SBF2: variants seen among roughly 807,000 people sequenced by gnomAD.
SBF2 encodes the protein SET binding factor 2.
Under a neutral mutation model 225.2 loss-of-function variants are expected in SBF2, and 112 were observed. The ratio of observed to expected loss-of-function variants is 0.50; its 90% confidence interval spans 0.43 to 0.58. The LOEUF (loss-of-function observed/expected upper bound fraction) is 0.58. SBF2 is among the 20% of genes least tolerant of loss of function. The pLI, the probability that SBF2 is intolerant of heterozygous loss-of-function variation, is 0.00. For missense variants in SBF2, 1,996 were observed against 2,206.2 expected, an observed-to-expected ratio of 0.90 and a Z score of 1.91; for synonymous variants, 763 against 773.3, an observed-to-expected ratio of 0.99 and a Z score of 0.22.
chr11:9,889,235 T>C (rs763794465), intron 17 of SBF2, among the ~76,000 whole-genome samples: 25 of 152,208 alleles, frequency 1.6e-4, no homozygotes, highest in Non-Finnish European at 3.5e-4. Flanking sequence ...ATGACACAAG[T>C]GACTTTTCTA....
intron 1 of SBF2, among the ~76,000 whole-genome samples, chr11:10,240,046 T>C (rs1262137461): frequency 2.0e-5 from 3 of 152,122 alleles, no homozygotes; most frequent in African/African-American, 7.2e-5. Flanking sequence ...CACAGCTGAT[T>C]AGTATTGGTA....
intron 17 of SBF2, among the ~76,000 whole-genome samples, chr11:9,893,357 T>C (rs12360818): frequency 0.27 from 40,627 of 152,170 alleles, 6,208 homozygotes; most frequent in African/African-American, 0.42. Context: ...GCAGTACTTC[T>C]TTCTTCCAAA....
In SBF2 at chr11:9,806,308, G is replaced by A. The variant is rs75320405; in HGVS notation, c.4443+1692C>T. ...AGTGCCTGGCACATAGTAAGCAGTC[G>A]ACACAAATTAGTAATTATTGTTAGT... is the stretch of plus-strand genomic sequence containing the variant. On this transcript the variant is annotated intron_variant, in intron 32 of 39. Coordinates refer to ENST00000256190, the MANE Select transcript of SBF2 (RefSeq NM_030962.4). Among the ~76,000 whole-genome samples the A allele has an allele frequency of 7.6e-3, 1,159 of 152,278 alleles. 53 individuals are homozygous for A. Among genetic ancestry groups the A allele is most frequent in the Admixed American group, 0.047 (719 of 15,298 alleles).
At chr11:10,016,205 G>C (rs541698925) in intron 6 of SBF2, among the ~76,000 whole-genome samples, 6 of 152,228 alleles carry the variant, frequency 3.9e-5, no homozygotes, top group African/African-American at 1.4e-4. Flanking sequence ...GTGAAGAAGG[G>C]AGGCCTGCAG....
At chr11:10,122,449 G>T (rs1444067683) in intron 2 of SBF2, among the ~76,000 whole-genome samples, 1 of 152,158 alleles carries the variant, frequency 6.6e-6, no homozygotes, top group Admixed American at 6.5e-5. Context: ...CTAGAACTCA[G>T]AACAGGCCCT....
chr11:10,297,330 G>T (rs1964557855), upstream of SBF2, among the ~76,000 whole-genome samples: 1 of 152,058 alleles, frequency 6.6e-6, no homozygotes, highest in Non-Finnish European at 1.5e-5. Context: ...AAGGTACTAG[G>T]ATTAGAGGCA....
chr11:10,094,318 C>T (rs942815899), intron 2 of SBF2, among the ~76,000 whole-genome samples: 1 of 151,896 alleles, frequency 6.6e-6, no homozygotes, highest in Admixed American at 6.6e-5. Context: ...AACGAAACTC[C>T]ATCTCAAAAA....
chr11:9,863,063 G>C (rs1857896287), intron 17 of SBF2, among the ~76,000 whole-genome samples: 1 of 150,192 alleles, frequency 6.7e-6, no homozygotes, highest in East Asian at 1.9e-4. Context: ...AGATGTTTAA[G>C]AATGTGTTGA....
At chr11:10,277,403 C>A (rs1452690024) in intron 1 of SBF2, among the ~76,000 whole-genome samples, 1 of 152,140 alleles carries the variant, frequency 6.6e-6, no homozygotes, top group Non-Finnish European at 1.5e-5. Context: ...ATATGTTTGG[C>A]TTTTTGAATA....
intron 1 of SBF2, among the ~76,000 whole-genome samples, chr11:10,222,578 A>C (rs1202507056): frequency 6.6e-6 from 1 of 152,224 alleles, no homozygotes; most frequent in East Asian, 1.9e-4. Flanking sequence ...CCGAATTTGA[A>C]GAACTGAGAA....
chr11:10,227,288 G>C (rs1164064146), intron 1 of SBF2, among the ~76,000 whole-genome samples: 1 of 152,104 alleles, frequency 6.6e-6, no homozygotes, highest in Non-Finnish European at 1.5e-5. Context: ...TCACTCTGAT[G>C]GTAGTTTCTT....
chr11:9,839,197 ATCCTGTTCT>A (rs1855933274), intron 26 of SBF2: 1 of 392,918 alleles, frequency 2.5e-6, no homozygotes, highest in Non-Finnish European at 4.8e-6. Flanking sequence ...GGCTGGGAAA[ATCCTGTTCT>A]TCAAGTTATC....
intron 29 of SBF2, 117 bp downstream of exon 29, chr11:9,816,723 T>A: frequency 2.3e-6 from 2 of 865,956 alleles, no homozygotes; most frequent in South Asian, 4.2e-5. Context: ...GATTATTAAC[T>A]CCAGGTTAAG....
At chr11:10,167,832 A>G (rs1956033959) in intron 2 of SBF2, among the ~76,000 whole-genome samples, 1 of 152,118 alleles carries the variant, frequency 6.6e-6, no homozygotes, top group Admixed American at 6.5e-5. Flanking sequence ...AGCCTGACCA[A>G]CATGGTGAAA....
At chr11:9,898,401 T>C (rs1861444450) in intron 16 of SBF2, among the ~76,000 whole-genome samples, 1 of 152,226 alleles carries the variant, frequency 6.6e-6, no homozygotes, top group African/African-American at 2.4e-5. Flanking sequence ...CTGGGCACGG[T>C]GGTTCACACC....
chr11:10,124,043 T>C (rs962807456), intron 2 of SBF2, among the ~76,000 whole-genome samples: 2 of 152,218 alleles, frequency 1.3e-5, no homozygotes, highest in South Asian at 2.1e-4. Flanking sequence ...GCCAACCTGA[T>C]AGCCAAAATC....
At chr11:10,083,963 G>A (rs980476114) in intron 2 of SBF2, among the ~76,000 whole-genome samples, 2 of 152,108 alleles carry the variant, frequency 1.3e-5, no homozygotes, top group African/African-American at 4.8e-5. Context: ...AACACAGGGA[G>A]ACCACATCTC....
chr11:10,097,528 T>TA (rs1204437462), intron 2 of SBF2, among the ~76,000 whole-genome samples: 5 of 152,116 alleles, frequency 3.3e-5, no homozygotes, highest in Admixed American at 1.3e-4. Flanking sequence ...ACACATTCTT[T>TA]AAAAAAAGCT....
chr11:10,277,812 G>T (rs1244046772), intron 1 of SBF2, among the ~76,000 whole-genome samples: 5 of 152,194 alleles, frequency 3.3e-5, no homozygotes, highest in African/African-American at 1.2e-4. Context: ...GCCACCAGAT[G>T]CTGGAAGAGG....
Sources: gnomAD v4.1 joint callset for allele counts (sites outside exome capture counted in the v4.1 genomes callset) on GRCh38, gnomAD v4.1.1 for gene constraint, MANE v1.5 for transcripts, NCBI Gene and HGNC (gene_info 2026-07-23, HGNC 2026-07-21) for gene names.